NCAM2: variants seen among roughly 807,000 people sequenced by gnomAD.
NCAM2 encodes neural cell adhesion molecule 2.
In NCAM2, 30 loss-of-function variants were observed where a neutral mutation model predicts 98.1. The ratio of observed to expected loss-of-function variants is 0.31; its 90% CI spans 0.23 to 0.41. NCAM2 has a LOEUF of 0.41. NCAM2 is among the 10% of genes least tolerant of loss of function. The pLI, the probability that NCAM2 is intolerant of heterozygous loss-of-function variation, is 1.00. For missense variants in NCAM2, 867 were observed against 1,005.8 expected, an observed-to-expected ratio of 0.86 and a Z score of 1.87; for synonymous variants, 368 against 342.4, an observed-to-expected ratio of 1.07 and a Z score of -0.83.
intron 1 of NCAM2, among the ~76,000 whole-genome samples, chr21:21,244,806 C>T (rs1667477064): frequency 7.1e-6 from 1 of 141,542 alleles, no homozygotes; most frequent in South Asian, 2.2e-4. Context: ...GAGATCGCGC[C>T]ACTGCACTCC....
At chr21:21,502,707 C>G (rs755796692) in intron 15 of NCAM2, among the ~76,000 whole-genome samples, 1 of 151,914 alleles carries the variant, frequency 6.6e-6, no homozygotes, top group Non-Finnish European at 1.5e-5. Flanking sequence ...ATCATCAACA[C>G]CAATCAGAGT....
intron 1 of NCAM2, among the ~76,000 whole-genome samples, chr21:21,197,672 C>T (rs2069053729): frequency 6.6e-6 from 1 of 152,162 alleles, no homozygotes; most frequent in Admixed American, 6.5e-5. Flanking sequence ...CAAGGTCTAA[C>T]ACATATCGTT....
At chr21:21,200,751 ATTT>A (rs58162973) in intron 1 of NCAM2, among the ~76,000 whole-genome samples, 21 of 108,654 alleles carry the variant, frequency 1.9e-4, no homozygotes, top group Middle Eastern at 5.6e-3. Context: ...GGGGCCCTTC[ATTT>A]TTTTTTTTTT....
At chr21:21,057,749 T>C (rs7510466) in intron 1 of NCAM2, among the ~76,000 whole-genome samples, 113,063 of 152,080 alleles carry the variant, frequency 0.74, 42,907 homozygotes, top group East Asian at 0.89. Context: ...TAAAATGAAA[T>C]TACGCTATTG....
chr21:21,148,982 T>A (rs534852487), intron 1 of NCAM2, among the ~76,000 whole-genome samples: 2 of 152,276 alleles, frequency 1.3e-5, no homozygotes, highest in South Asian at 4.1e-4. Context: ...TAATGTCCCT[T>A]TTCAAATTTA....
At chr21:21,438,348 A>T (rs1978700838) in intron 12 of NCAM2, among the ~76,000 whole-genome samples, 1 of 152,184 alleles carries the variant, frequency 6.6e-6, no homozygotes, top group South Asian at 2.1e-4. Flanking sequence ...TCTTAAATAA[A>T]TCATTAACAA....
Position 21,338,569 on chromosome 21 carries a change from C to A in NCAM2, c.1044+35C>A, listed in dbSNP as rs753351161. The A allele has an allele frequency of 1.4e-5, 21 of 1,513,226 alleles. No homozygotes were observed. In the Admixed American group the frequency reaches 1.8e-4, roughly 13 times the overall value. The allele number at this position is 1,513,226 out of a possible 1,614,324, so 93.7% of individuals were successfully genotyped here. A position where few individuals can be genotyped will look rare whatever the true frequency, so the allele number is the denominator to read the frequency against. On this transcript the variant is annotated intron_variant, in intron 8 of 17. Coordinates refer to ENST00000400546, the MANE Select transcript of NCAM2 (RefSeq NM_004540.5). The stretch of plus-strand genomic sequence containing the variant: ...TCTCAATATGTAATGGTTTCCATTA[C>A]CATGCAATTTCAGTATTTTCAATAT...
rs571124138 is a variant in NCAM2 at position 21,507,348 on chromosome 21, A to C, written c.2078-1503A>C. Among the ~76,000 whole-genome samples the C allele has an allele frequency of 5.3e-5, 8 of 152,282 alleles. No homozygotes were observed. In the South Asian group the frequency reaches 1.2e-3, roughly 24 times the overall value. ...AAACTTTTTATACATATATAAAACA[A>C]ATACAGGTTTTATATACATATTTTT... On this transcript the variant is annotated intron_variant, in intron 15 of 17. Transcript: ENST00000400546.
intron 8 of NCAM2, among the ~76,000 whole-genome samples, chr21:21,339,833 A>C (rs751517059): frequency 6.6e-6 from 1 of 151,836 alleles, no homozygotes; most frequent in African/African-American, 2.4e-5. Context: ...GTGTTATCAT[A>C]TATGTTACCC....
chr21:21,502,428 A>G (rs536639557), intron 15 of NCAM2, among the ~76,000 whole-genome samples: 15 of 152,076 alleles, frequency 9.9e-5, no homozygotes, highest in African/African-American at 2.9e-4. Context: ...TGTTGAATTC[A>G]TGTCTATTGA....
chr21:21,373,845 C>G lies in NCAM2; in HGVS notation c.1045-18C>G. ...CACAAGCATAAAATCTTTCTTTTTC[C>G]TGAATCGATGTAAACAGAGCCTGGA... On this transcript the variant is annotated intron_variant, in intron 8 of 17. Transcript: ENST00000400546. 1 of 1,567,804 alleles carries G rather than the reference C, an allele frequency of 6.4e-7. No homozygotes were observed. The highest frequency in any genetic ancestry group is 8.6e-7 in the Non-Finnish European group (1 of 1,158,846).
intron 1 of NCAM2, among the ~76,000 whole-genome samples, chr21:21,059,746 A>G (rs1014602653): frequency 1.3e-5 from 2 of 152,076 alleles, no homozygotes; most frequent in African/African-American, 4.8e-5. Context: ...ACATTAGCCA[A>G]TGTCTAGAGA....
chr21:20,998,530 C>T lies in NCAM2; in HGVS notation c.-34C>T, dbSNP rs747106068. On this transcript the variant is annotated 5_prime_UTR_variant, in exon 1 of 18. Transcript: ENST00000400546. The stretch of plus-strand genomic sequence containing the variant: ...CTCTCTCCAGGGCTGGACTTAATAA[C>T]TTTGAAACTGTCCACCGGTGTCACG... The T allele has an allele frequency of 1.2e-6, 2 of 1,609,170 alleles. No individual in the cohort carries two copies. Among genetic ancestry groups the T allele is most frequent in the Non-Finnish European group, 8.5e-7 (1 of 1,175,726 alleles).
intron 1 of NCAM2, among the ~76,000 whole-genome samples, chr21:21,216,602 CA>C (rs2069910584): frequency 6.6e-6 from 1 of 152,188 alleles, no homozygotes; most frequent in African/African-American, 2.4e-5. Flanking sequence ...GGAACATAGC[CA>C]AATGCATTGT....
chr21:21,126,236 T>TTAAAA (rs1555887827), intron 1 of NCAM2, among the ~76,000 whole-genome samples: 1 of 97,564 alleles, frequency 1.0e-5, no homozygotes, highest in South Asian at 4.1e-4. Flanking sequence ...TCATGGAACA[T>TTAAAA]AAAAAAAAAA....
At chr21:21,277,565 G>A (rs2072776192) in intron 1 of NCAM2, among the ~76,000 whole-genome samples, 1 of 152,110 alleles carries the variant, frequency 6.6e-6, no homozygotes, top group Non-Finnish European at 1.5e-5. Context: ...GTAGGCAAGT[G>A]TGAGTCAGTT....
At chr21:21,329,848 C>T (rs1389482290) in intron 6 of NCAM2, among the ~76,000 whole-genome samples, 2 of 152,058 alleles carry the variant, frequency 1.3e-5, no homozygotes, top group Non-Finnish European at 2.9e-5. Flanking sequence ...AGAAATAGGG[C>T]TATTCAGGTA....
At chr21:21,414,745 A>G (rs1467258717) in intron 10 of NCAM2, among the ~76,000 whole-genome samples, 1 of 152,180 alleles carries the variant, frequency 6.6e-6, no homozygotes, top group Admixed American at 6.5e-5. Context: ...CTGGGATTAC[A>G]GGCGTGAGCC....
intron 8 of NCAM2, among the ~76,000 whole-genome samples, chr21:21,349,065 C>T (rs2147930158): frequency 6.6e-6 from 1 of 152,128 alleles, no homozygotes; most frequent in African/African-American, 2.4e-5. Flanking sequence ...CACAGGCAAC[C>T]AAAGCAAACG....
Sources: allele counts gnomAD v4.1 joint callset (sites outside exome capture counted in the v4.1 genomes callset), GRCh38; gene constraint gnomAD v4.1.1; transcripts MANE v1.5; gene names NCBI Gene and HGNC (gene_info 2026-07-23, HGNC 2026-07-21).